Variants in PCDH9 observed in about 807,000 individuals in gnomAD.
The protein encoded by PCDH9 is protocadherin 9.
In PCDH9, 24 loss-of-function variants were observed where a neutral mutation model predicts 70.6. The ratio of observed to expected loss-of-function variants is 0.34; its 90% CI spans 0.25 to 0.48. The LOEUF is 0.48. PCDH9 is among the 20% of genes least tolerant of loss of function. The probability of loss-of-function intolerance (pLI) is 0.99; values close to 1 mark genes in which losing one functional copy is unlikely to be tolerated. For missense variants in PCDH9, 1,281 were observed against 1,503.6 expected (o/e 0.85, Z 2.45); for synonymous variants, 562 against 558.5 (o/e 1.01, Z -0.09).
At chr13:66,375,499 C>T (rs1327218065) in intron 4 of PCDH9, among the ~76,000 whole-genome samples, 1 of 151,918 alleles carries the variant, frequency 6.6e-6, no homozygotes, top group Non-Finnish European at 1.5e-5. Context: ...TACTTTAATG[C>T]AACTTTAATA....
At chr13:67,184,306 G>A (rs2088692569) in intron 2 of PCDH9, among the ~76,000 whole-genome samples, 1 of 152,106 alleles carries the variant, frequency 6.6e-6, no homozygotes, top group Non-Finnish European at 1.5e-5. Flanking sequence ...GAAAGAAAAG[G>A]AGGTAAGTTC....
chr13:66,662,565 A>G (rs1283631372), intron 3 of PCDH9, among the ~76,000 whole-genome samples: 1 of 152,188 alleles, frequency 6.6e-6, no homozygotes, highest in Non-Finnish European at 1.5e-5. Context: ...AATTCCTCTG[A>G]TTTATATTAA....
intron 2 of PCDH9, among the ~76,000 whole-genome samples, chr13:67,178,635 C>T (rs2088530315): frequency 6.6e-6 from 1 of 151,976 alleles, no homozygotes; most frequent in Non-Finnish European, 1.5e-5. Context: ...TCTTAAGTGC[C>T]ACTCTTATTC....
chr13:67,034,535 T>C (rs1410391600), intron 2 of PCDH9, among the ~76,000 whole-genome samples: 1 of 152,130 alleles, frequency 6.6e-6, no homozygotes, highest in Non-Finnish European at 1.5e-5. Flanking sequence ...ATGTACATTG[T>C]ATAATACGGA....
At chr13:66,558,552 T>A (rs978359420) in intron 4 of PCDH9, among the ~76,000 whole-genome samples, 5 of 151,960 alleles carry the variant, frequency 3.3e-5, no homozygotes, top group Non-Finnish European at 5.9e-5. Context: ...AGAAAAGACC[T>A]CCAAAACACT....
intron 2 of PCDH9, among the ~76,000 whole-genome samples, chr13:67,195,189 A>T (rs778586135): frequency 1.1e-3 from 165 of 150,480 alleles, no homozygotes; most frequent in Non-Finnish European, 1.7e-3. Flanking sequence ...TCTTTCGCCC[A>T]GGCTGGAGTT....
At chr13:66,837,103 G>A (rs1368268951) in intron 3 of PCDH9, among the ~76,000 whole-genome samples, 1 of 152,160 alleles carries the variant, frequency 6.6e-6, no homozygotes, top group Admixed American at 6.5e-5. Context: ...GAATTGCTAG[G>A]TTATAGAACA....
intron 3 of PCDH9, among the ~76,000 whole-genome samples, chr13:66,776,032 G>C (rs981848751): frequency 2.6e-5 from 4 of 152,110 alleles, no homozygotes; most frequent in African/African-American, 9.7e-5. Flanking sequence ...ACACACTGCT[G>C]TTGTTCAGGA....
chr13:66,520,526 A>G (rs1361538803), intron 4 of PCDH9, among the ~76,000 whole-genome samples: 1 of 152,184 alleles, frequency 6.6e-6, no homozygotes, highest in African/African-American at 2.4e-5. Context: ...ATGCAAAGCA[A>G]TCTCCCTGGG....
At chr13:66,317,826 T>C (rs1426069264) in intron 4 of PCDH9, among the ~76,000 whole-genome samples, 3 of 152,198 alleles carry the variant, frequency 2.0e-5, no homozygotes, top group Non-Finnish European at 4.4e-5. Flanking sequence ...TGATAAGGGA[T>C]GCAATTACTT....
chr13:66,584,837 C>T (rs2076941753), intron 4 of PCDH9, among the ~76,000 whole-genome samples: 1 of 151,860 alleles, frequency 6.6e-6, no homozygotes, highest in Admixed American at 6.6e-5. Flanking sequence ...TAAGAAGCAC[C>T]TATCTTAAGA....
At chr13:66,807,762 C>T (rs1411602144) in intron 3 of PCDH9, among the ~76,000 whole-genome samples, 3 of 151,816 alleles carry the variant, frequency 2.0e-5, no homozygotes, top group Non-Finnish European at 4.4e-5. Context: ...ATTTTTAATC[C>T]TTTGTGTTAT....
intron 2 of PCDH9, among the ~76,000 whole-genome samples, chr13:67,049,104 C>G (rs1221051738): frequency 6.6e-6 from 1 of 152,118 alleles, no homozygotes; most frequent in Admixed American, 6.5e-5. Flanking sequence ...TAACATTTAG[C>G]CTTCCGTAAT....
chr13:66,913,086 G>A (rs986079238), intron 2 of PCDH9, among the ~76,000 whole-genome samples: 2 of 151,926 alleles, frequency 1.3e-5, no homozygotes, highest in Non-Finnish European at 1.5e-5. Context: ...GCTTTAAAGT[G>A]GGTTTAAAAT....
intron 3 of PCDH9, among the ~76,000 whole-genome samples, chr13:66,721,416 CTTAGT>C (rs994046117): frequency 2.0e-5 from 3 of 152,148 alleles, no homozygotes; most frequent in African/African-American, 7.2e-5. Context: ...ATCTGTTTAT[CTTAGT>C]TTAGTCTAGT....
intron 2 of PCDH9, among the ~76,000 whole-genome samples, chr13:66,913,563 C>CT (rs2139625955): frequency 6.6e-6 from 1 of 152,082 alleles, no homozygotes; most frequent in South Asian, 2.1e-4. Context: ...GTTTCACAGC[C>CT]TTGGTGGCCT....
intron 4 of PCDH9, among the ~76,000 whole-genome samples, chr13:66,601,106 T>A (rs957592343): frequency 6.9e-6 from 1 of 145,126 alleles, no homozygotes; most frequent in African/African-American, 2.5e-5. Context: ...ATGATTCAGG[T>A]TACTATTTTA....
chr13:66,942,666 C>T (rs902014078), intron 2 of PCDH9, among the ~76,000 whole-genome samples: 2 of 152,042 alleles, frequency 1.3e-5, no homozygotes, highest in African/African-American at 4.8e-5. Context: ...AAGGCTCAGT[C>T]TCAAGAGATC....
intron 4 of PCDH9, among the ~76,000 whole-genome samples, chr13:66,620,058 TTC>T (rs947491135): frequency 7.9e-5 from 12 of 152,208 alleles, no homozygotes; most frequent in African/African-American, 1.7e-4. Flanking sequence ...TTATTTTATA[TTC>T]TCTTTTTTAA....
Sources: gnomAD v4.1 joint callset for allele counts (sites outside exome capture counted in the v4.1 genomes callset) on GRCh38, gnomAD v4.1.1 for gene constraint, MANE v1.5 for transcripts, NCBI Gene and HGNC (gene_info 2026-07-23, HGNC 2026-07-21) for gene names.